AGAP1: variants seen among roughly 807,000 people sequenced by gnomAD.
The protein encoded by AGAP1 is arf-GAP with GTPase, ANK repeat and PH domain-containing protein 1.
AGAP1 carries 29 observed loss-of-function variants against 105.3 expected under a neutral mutation model. The ratio of observed to expected loss-of-function variants is 0.28; its 90% confidence interval spans 0.21 to 0.38. The LOEUF is 0.38. Among genes scored for constraint, AGAP1 ranks in the 10% least tolerant of loss-of-function variants. AGAP1 has a pLI of 1.00. For synonymous variants in AGAP1, 509 were observed against 485.9 expected (o/e 1.05, Z -0.63); for missense variants, 998 against 1,165.1 (o/e 0.86, Z 2.09).
intron 11 of AGAP1, among the ~76,000 whole-genome samples, chr2:235,913,700 A>G (rs935610382): frequency 3.9e-5 from 6 of 152,194 alleles, no homozygotes; most frequent in African/African-American, 1.4e-4. Flanking sequence ...TTTTCCTCAA[A>G]TGAACTAAAG....
intron 1 of AGAP1, among the ~76,000 whole-genome samples, chr2:235,694,305 C>T (rs1457849028): frequency 6.6e-6 from 1 of 151,900 alleles, no homozygotes; most frequent in Non-Finnish European, 1.5e-5. Context: ...TGGTGAAACC[C>T]CGTCTCTACT....
intron 16 of AGAP1, among the ~76,000 whole-genome samples, chr2:236,054,006 G>A (rs959236668): frequency 5.3e-5 from 8 of 152,066 alleles, no homozygotes; most frequent in African/African-American, 4.8e-5. Flanking sequence ...AAAAGATGTC[G>A]CCTTCGATAG....
intron 1 of AGAP1, among the ~76,000 whole-genome samples, chr2:235,501,666 C>T (rs1559204875): frequency 6.6e-6 from 1 of 152,154 alleles, no homozygotes; most frequent in African/African-American, 2.4e-5. Flanking sequence ...GTTTTTCCCC[C>T]TGTATACCCT....
At chr2:235,828,184 TGGAAGA>T (rs1959167890) in intron 9 of AGAP1, among the ~76,000 whole-genome samples, 1 of 152,196 alleles carries the variant, frequency 6.6e-6, no homozygotes, top group Non-Finnish European at 1.5e-5. Context: ...CAGGAATTGA[TGGAAGA>T]GGAAGTATTT....
intron 13 of AGAP1, among the ~76,000 whole-genome samples, chr2:236,021,608 G>C: frequency 6.6e-6 from 1 of 152,222 alleles, no homozygotes. Flanking sequence ...TAAACTGAAT[G>C]TTTGGGCCTG....
rs1475208319 is a variant in AGAP1, at chr2:235,979,443, A to G, written c.1645+10820A>G. Among the ~76,000 whole-genome samples the G allele has an allele frequency of 6.6e-6, 1 of 152,160 alleles. No homozygotes were observed. The highest frequency in any genetic ancestry group is 1.5e-5 in the Non-Finnish European group (1 of 68,024). ...GTTACTGACTCGCGCTCATTTTATCAAGATGTATTAATGCTTTGGAGAAGG... is the reference window on the plus strand; with the variant it reads ...GTTACTGACTCGCGCTCATTTTATCGAGATGTATTAATGCTTTGGAGAAGG... On this transcript the variant is annotated intron_variant, in intron 13 of 17. Coordinates refer to ENST00000304032, the MANE Select transcript of AGAP1 (RefSeq NM_001037131.3). The surrounding 1 kb of genome is among the most constrained non-coding windows in gnomAD (Gnocchi z 4.5).
intron 9 of AGAP1, among the ~76,000 whole-genome samples, chr2:235,809,641 C>T (rs989169996): frequency 6.6e-6 from 1 of 152,150 alleles, no homozygotes; most frequent in South Asian, 2.1e-4. Context: ...CTCTGTGCAT[C>T]GGACGGATTG....
intron 6 of AGAP1, among the ~76,000 whole-genome samples, chr2:235,778,996 T>C (rs1262086156): frequency 6.6e-6 from 1 of 152,204 alleles, no homozygotes; most frequent in East Asian, 1.9e-4. Flanking sequence ...GTGTATGTTT[T>C]ACAGATAAGG....
chr2:235,710,996 C>T (rs1285634514), intron 2 of AGAP1, among the ~76,000 whole-genome samples: 1 of 152,192 alleles, frequency 6.6e-6, no homozygotes, highest in African/African-American at 2.4e-5. Context: ...AACTGAGGCT[C>T]AGAGACATGA....
rs573492626 is a variant in AGAP1 at position 235,705,558 on chromosome 2, G to A, written c.164-3621G>A. Among the ~76,000 whole-genome samples, 1 of 152,196 alleles carries A rather than the reference G, an allele frequency of 6.6e-6. No individual in the cohort carries two copies. Among genetic ancestry groups the A allele is most frequent in the Non-Finnish European group, 1.5e-5 (1 of 68,040 alleles). On this transcript the variant is annotated intron_variant, in intron 1 of 17. Transcript: ENST00000304032. This position sits in a 1 kb window ranked among gnomAD's most constrained non-coding sequence, Gnocchi z 4.9. ...CAGCCCACAGATAGGTCCCTGTAGT[G>A]GAGTAGGAGGAAGGACTATTTTGGT...
In AGAP1 at chr2:235,744,367, C is replaced by T. The variant is rs1952768638; in HGVS notation, c.397-331C>T. On this transcript the variant is annotated intron_variant, in intron 4 of 17. Coordinates refer to ENST00000304032, the MANE Select transcript of AGAP1 (RefSeq NM_001037131.3). This position sits in a 1 kb window ranked among gnomAD's most constrained non-coding sequence, Gnocchi z 5.2. ...TGGGTCTGGCCTTCTGTCTGCGGGG[C>T]CGCCTTGGCAGGTCGGGGCAGCGGG... is the stretch of plus-strand genomic sequence containing the variant. Among the ~76,000 whole-genome samples, 1 of 152,126 alleles carries T rather than the reference C, an allele frequency of 6.6e-6. No individual in the cohort carries two copies. Among genetic ancestry groups the T allele is most frequent in the African/African-American group, 2.4e-5 (1 of 41,412 alleles).
rs2054981114 is a variant in AGAP1, at chr2:235,979,096, T to G, written c.1645+10473T>G. Among the ~76,000 whole-genome samples, 1 of 152,000 alleles carries G rather than the reference T, an allele frequency of 6.6e-6. No individual in the cohort carries two copies. Among genetic ancestry groups the G allele is most frequent in the African/African-American group, 2.4e-5 (1 of 41,366 alleles). On this transcript the variant is annotated intron_variant, in intron 13 of 17. Coordinates refer to ENST00000304032, the MANE Select transcript of AGAP1 (RefSeq NM_001037131.3). The surrounding 1 kb of genome is among the most constrained non-coding windows in gnomAD (Gnocchi z 4.5). ...AAGATTGATATGCTTTTTCTTTTTT[T>G]GGATGACAGAAGTGTATTTGTGGGG...
In AGAP1 at chr2:236,038,784, CA is replaced by C. The variant is rs2057457966; in HGVS notation, c.1801-1966del. ...AAACCAACCAACCACAGAAATGATA[CA>C]GGTACACAGAGAGACAGAGGCACAT... On this transcript the variant is annotated intron_variant, in intron 14 of 17. Coordinates refer to ENST00000304032, the MANE Select transcript of AGAP1 (RefSeq NM_001037131.3). This position sits in a 1 kb window ranked among gnomAD's most constrained non-coding sequence, Gnocchi z 4.5. Among the ~76,000 whole-genome samples the C allele has an allele frequency of 6.6e-6, 1 of 150,938 alleles. No homozygotes were observed.
intron 9 of AGAP1, among the ~76,000 whole-genome samples, chr2:235,841,777 C>T (rs916656184): frequency 1.3e-5 from 2 of 152,182 alleles, no homozygotes; most frequent in African/African-American, 2.4e-5. Flanking sequence ...TCCTTCCAGA[C>T]AGCTCTGAGT....
At chr2:235,897,607 CAT>C in intron 10 of AGAP1, among the ~76,000 whole-genome samples, 1 of 152,088 alleles carries the variant, frequency 6.6e-6, no homozygotes. Context: ...CAATTGATAA[CAT>C]TTTGTTTTCC....
chr2:235,512,103 GAA>G (rs1574726503), intron 1 of AGAP1, among the ~76,000 whole-genome samples: 2 of 99,588 alleles, frequency 2.0e-5, no homozygotes, highest in South Asian at 6.9e-4. Flanking sequence ...GTGTGTGTGT[GAA>G]TGTGTGTGTG....
At chr2:236,102,077 T>A (rs2059360592) in intron 16 of AGAP1, among the ~76,000 whole-genome samples, 1 of 151,512 alleles carries the variant, frequency 6.6e-6, no homozygotes, top group African/African-American at 2.4e-5. Flanking sequence ...AGGCCAGGAT[T>A]TCGTGACTAG....
At position 235,992,269 on chromosome 2, in the gene AGAP1, T is replaced by A. The variant is rs966176992; in HGVS notation, c.1645+23646T>A. Among the ~76,000 whole-genome samples, 4 of 152,220 alleles carry A rather than the reference T, an allele frequency of 2.6e-5. No homozygotes were observed. Among genetic ancestry groups the A allele is most frequent in the African/African-American group, 7.2e-5 (3 of 41,452 alleles). ...GGAGCCGGTCTTCCTGGGTTTGAGT[T>A]GCAGCTCCACCTCTTCCTGGCGGGT... On this transcript the variant is annotated intron_variant, in intron 13 of 17. Coordinates refer to ENST00000304032, the MANE Select transcript of AGAP1 (RefSeq NM_001037131.3). The surrounding 1 kb of genome is among the most constrained non-coding windows in gnomAD (Gnocchi z 4.8).
rs2049159641 is a variant in AGAP1 at position 235,866,129 on chromosome 2, A to G, written c.1051-17216A>G. On this transcript the variant is annotated intron_variant, in intron 9 of 17. Coordinates refer to ENST00000304032, the MANE Select transcript of AGAP1 (RefSeq NM_001037131.3). This position sits in a 1 kb window ranked among gnomAD's most constrained non-coding sequence, Gnocchi z 6.1. ...TTACTTGATGCTGTTTTAGTTAGGC[A>G]GCAGCATGCGATGCCCTGTGCGCAT... is the stretch of plus-strand genomic sequence containing the variant. 6.6e-6 allele frequency among the ~76,000 whole-genome samples: 1 copy of G among 152,164 alleles called. No homozygotes were observed. The highest frequency in any genetic ancestry group is 2.1e-4 in the South Asian group (1 of 4,820).
Sources: allele counts gnomAD v4.1 joint callset (sites outside exome capture counted in the v4.1 genomes callset), GRCh38; gene constraint gnomAD v4.1.1; non-coding constraint Gnocchi (gnomAD v3.1); transcripts MANE v1.5; gene names NCBI Gene and HGNC (gene_info 2026-07-23, HGNC 2026-07-21).